The following LONP1 variants were observed in gnomAD, a reference collection of about 807,000 sequenced individuals.
LONP1 encodes the protein lon peptidase 1, mitochondrial.
LONP1 carries 31 observed loss-of-function variants against 98.5 expected under a neutral mutation model. The observed-to-expected ratio is 0.31, with a 90% CI of 0.24 to 0.42. The LOEUF is 0.42. Ranked by LOEUF, LONP1 falls within the 20% of genes least tolerant of loss-of-function variation. The probability of loss-of-function intolerance (pLI) is 1.00; values close to 1 mark genes in which losing one functional copy is unlikely to be tolerated. For missense variants in LONP1, 1,336 were observed against 1,350.6 expected, an observed-to-expected ratio of 0.99 and a Z score of 0.17; for synonymous variants, 781 against 594.7, an observed-to-expected ratio of 1.31 and a Z score of -4.56.
Position 5,693,554 on chromosome 19 carries a change from C to A in LONP1, c.2536G>T (p.Glu846Ter), listed in dbSNP as rs752945140. 1.2e-6 allele frequency: 2 copies of A among 1,613,962 alleles called. No homozygotes were observed. Among genetic ancestry groups the A allele is most frequent in the Non-Finnish European group, 1.7e-6 (2 of 1,179,978 alleles). The change falls in exon 16 of 18, where the codon GAG (glutamate) becomes TAG (stop). Residue 846 changes from glutamate (E) to a stop codon, truncating the protein, a stop_gained and splice_region_variant. Transcript: ENST00000360614. LOFTEE classifies it high-confidence loss of function. ...VTSHIHLHVP[E>*]GATPKDGPSA... ...GTGGGAGCGGATGGCGCGGTCACCT[C>A]GGGCACATGCAGGTGGATGTGTGAG... is the stretch of plus-strand genomic sequence containing the variant.
Position 5,691,995 on chromosome 19 carries a change from G to GGCCTGACATCCAGTTCTGGCCCAGACAGT in LONP1, c.*36_*37insACTGTCTGGGCCAGAACTGGATGTCAGGC. On this transcript the variant is annotated 3_prime_UTR_variant, in exon 18 of 18. Coordinates refer to ENST00000360614, the MANE Select transcript of LONP1 (RefSeq NM_004793.4). ...CAGCGCTCAGTTCTGGCCCAGACAG[G>GGCCTGACATCCAGTTCTGGCCCAGACAGT]GCCTGACATCCGCCGCCTGCAGTCC... The GGCCTGACATCCAGTTCTGGCCCAGACAGT allele has an allele frequency of 6.3e-7, 1 of 1,592,154 alleles. No individual in the cohort carries two copies.
chr19:5,699,077 G>T lies in LONP1; in HGVS notation c.1635C>A (p.Phe545Leu), dbSNP rs1250507237. ...SIARALNREY[F>L]RFSVGGMTDV... ...CAGTCATGCCCCCGACGCTGAAGCG[G>T]AAGTACTCTCGGTTCAGGGCGCGGG... The change falls in exon 10 of 18, where the codon TTC becomes TTA. Residue 545 changes from phenylalanine to leucine, a missense_variant. Physicochemically the swap from Phe to Leu is conservative, Grantham distance 22 (BLOSUM62 0). Transcript: ENST00000360614. The T allele has an allele frequency of 6.2e-7, 1 of 1,608,804 alleles. No homozygotes were observed. The highest frequency in any genetic ancestry group is 8.5e-7 in the Non-Finnish European group (1 of 1,177,084).
chr19:5,696,395 T>C, intron 11 of LONP1, 24 bp from the exon 12 acceptor site: 1 of 1,609,424 alleles, frequency 6.2e-7, no homozygotes, highest in Non-Finnish European at 8.5e-7. Flanking sequence ...CAGCAGGTGG[T>C]GCCCCTCGCC....
upstream of LONP1, chr19:5,720,383 C>T (rs541973850): frequency 8.2e-6 from 5 of 608,342 alleles, no homozygotes; most frequent in East Asian, 1.6e-4. Context: ...GGCGCCAGCG[C>T]CCGTACAAAA....
At chr19:5,696,201 G>A (rs1208039523) in intron 12 of LONP1, 31 bp from the exon 13 acceptor site, 5 of 1,612,608 alleles carry the variant, frequency 3.1e-6, no homozygotes, top group African/African-American at 1.3e-5. Flanking sequence ...CTGGGGGACT[G>A]GCCGCTTACC....
chr19:5,719,862 C>T lies in LONP1; in HGVS notation c.271G>A (p.Glu91Lys). Residue 91 changes from glutamate to lysine, a missense_variant, in exon 1 of 18, where the codon GAG becomes AAG. Physicochemically the swap from Glu to Lys is moderately conservative, Grantham distance 56 (BLOSUM62 1). This residue lies in a region of LONP1 where 457 missense variants were observed against 403.1 expected (regional missense o/e 1.13). Transcript: ENST00000360614. ...GGEDASEGGA[E>K]EGAGGAGGSA... Reference sequence around the variant, plus strand: ...CCCCCCGCGCCGCCGGCTCCTTCCTCCGCGCCGCCCTCGGAGGCGTCCTCG... The same window carrying T: ...CCCCCCGCGCCGCCGGCTCCTTCCTTCGCGCCGCCCTCGGAGGCGTCCTCG... 6.3e-7 allele frequency: 1 copy of T among 1,599,372 alleles called. No homozygotes were observed. Among genetic ancestry groups the T allele is most frequent in the Non-Finnish European group, 8.5e-7 (1 of 1,173,566 alleles).
At position 5,719,920 on chromosome 19, in the gene LONP1, C is replaced by G; in HGVS notation, c.213G>C (p.Ala71=). 6.4e-7 allele frequency: 1 copy of G among 1,550,906 alleles called. No individual in the cohort carries two copies. Among genetic ancestry groups the G allele is most frequent in the South Asian group, 1.2e-5 (1 of 84,720 alleles). The change falls in exon 1 of 18, where the codon GCG becomes GCC. Residue 71 remains alanine (A), a synonymous_variant. Coordinates refer to ENST00000360614, the MANE Select transcript of LONP1 (RefSeq NM_004793.4). Reference sequence around the variant, plus strand: ...AGAATGCGCCTCCGCCGCGGCTGCTCGCTTCCCAAAACCCCCGCCATTGGC... The same window carrying G: ...AGAATGCGCCTCCGCCGCGGCTGCTGGCTTCCCAAAACCCCCGCCATTGGC... The part of the protein sequence containing the change: ...IGGQWRGFWE[A]SSRGGGAFSG...
chr19:5,693,213 G>A, intron 17 of LONP1, 85 bp downstream of exon 17: 1 of 1,498,130 alleles, frequency 6.7e-7, no homozygotes, highest in Non-Finnish European at 9.1e-7. Context: ...CTTGGCCCAG[G>A]CAGAGGTTGC....
intron 11 of LONP1, 146 bp downstream of exon 11, chr19:5,696,524 T>G (rs2054932276): frequency 2.3e-6 from 3 of 1,305,494 alleles, no homozygotes; most frequent in African/African-American, 1.5e-5. Context: ...TGGCTGTGGG[T>G]GGGAGGGACC....
At chr19:5,717,858 G>T (rs572861576) in intron 1 of LONP1, among the ~76,000 whole-genome samples, 1 of 151,266 alleles carries the variant, frequency 6.6e-6, no homozygotes, top group Admixed American at 6.6e-5. Flanking sequence ...GGGAAGACAG[G>T]TGCATGCCAC....
intron 13 of LONP1, among the ~76,000 whole-genome samples, chr19:5,695,274 G>A (rs1208828537): frequency 6.6e-6 from 1 of 152,066 alleles, no homozygotes; most frequent in Non-Finnish European, 1.5e-5. Flanking sequence ...CTGGGTCAGG[G>A]GCTCCAGGGT....
rs554066832 is a variant in LONP1 at position 5,715,333 on chromosome 19, CT to C, written c.430-1063del. Among the ~76,000 whole-genome samples, 843 of 138,098 alleles carry C rather than the reference CT, an allele frequency of 6.1e-3. 3 individuals carry two copies. Among genetic ancestry groups the C allele is most frequent in the African/African-American group, 0.01 (394 of 37,604 alleles). 90.6% of individuals were successfully genotyped at this position (138,098 alleles called of 152,430 possible). On this transcript the variant is annotated intron_variant, in intron 1 of 17. Transcript: ENST00000360614. The stretch of plus-strand genomic sequence containing the variant: ...ACCCACTCCAGAGATTGATAACTTC[CT>C]TTTTTTTTTTTTTTTAATAAAGTTT...
rs377239290 is a variant in LONP1 at position 5,696,385 on chromosome 19, C to T, written c.1774-14G>A. ...GATCTTGTCCACCTGGGGCAGCAGACAGCAGGTGGTGCCCCTCGCCGTGCC... is the reference window on the plus strand; with the variant it reads ...GATCTTGTCCACCTGGGGCAGCAGATAGCAGGTGGTGCCCCTCGCCGTGCC... On this transcript the variant is annotated splice_polypyrimidine_tract_variant and intron_variant, in intron 11 of 17. Transcript: ENST00000360614. 4.3e-6 allele frequency: 7 copies of T among 1,611,322 alleles called. No individual in the cohort carries two copies. The highest frequency in any genetic ancestry group is 1.7e-5 in the Admixed American group (1 of 59,942).
intron 11 of LONP1, 51 bp from the exon 12 acceptor site, chr19:5,696,422 C>T (rs201835473): frequency 1.1e-5 from 18 of 1,594,776 alleles, no homozygotes; most frequent in African/African-American, 5.4e-5. Flanking sequence ...CTGGCCAGCC[C>T]GCCCAGTGGG....
chr19:5,701,478 GCGC>G, intron 8 of LONP1, among the ~76,000 whole-genome samples: 1 of 152,304 alleles, frequency 6.6e-6, no homozygotes, highest in East Asian at 1.9e-4. Flanking sequence ...TTGCAGGCGC[GCGC>G]CGCCACGCCT....
chr19:5,699,417 G>A (rs1035786633), intron 9 of LONP1, among the ~76,000 whole-genome samples: 1 of 152,118 alleles, frequency 6.6e-6, no homozygotes, highest in Non-Finnish European at 1.5e-5. Context: ...AACACCAAAG[G>A]ACAACTAGGT....
In LONP1 at chr19:5,694,600, G is replaced by A. The variant is rs776316193; in HGVS notation, c.2155-48C>T. 82 of 1,555,880 alleles carry A rather than the reference G, an allele frequency of 5.3e-5. No homozygotes were observed. The Admixed American group carries it at 1.4e-3, about 26-fold the overall frequency. On this transcript the variant is annotated intron_variant, in intron 14 of 17. Transcript: ENST00000360614. Reference sequence around the variant, plus strand: ...TGGGCACGGGAAGGTGGGGTGACAGGTGCGGGGTGGTGGGGTGACGGGCAC... The same window carrying A: ...TGGGCACGGGAAGGTGGGGTGACAGATGCGGGGTGGTGGGGTGACGGGCAC...
At chr19:5,701,803 T>C (rs1404340611) in intron 8 of LONP1, among the ~76,000 whole-genome samples, 4 of 148,514 alleles carry the variant, frequency 2.7e-5, no homozygotes, top group Admixed American at 6.7e-5. Context: ...TCGTCTGGGA[T>C]GTGAGGAGCC....
At position 5,707,922 on chromosome 19, in the gene LONP1, C is replaced by T. The variant is rs937954424; in HGVS notation, c.933-96G>A. ...GACCCGGTCCTCAGGGTCCCTGTCC[C>T]CTGTAGCTATGGGCACGGTCTAGGG... On this transcript the variant is annotated intron_variant, in intron 5 of 17. Transcript: ENST00000360614. 2.4e-5 allele frequency: 35 copies of T among 1,456,382 alleles called. No individual in the cohort carries two copies. In the African/African-American group the frequency reaches 4.9e-4, roughly 20 times the overall value. 90.2% of individuals were successfully genotyped at this position (1,456,382 alleles called of 1,614,324 possible).
Sources: gnomAD v4.1 joint callset for allele counts (sites outside exome capture counted in the v4.1 genomes callset) on GRCh38, gnomAD v4.1.1 for gene constraint, gnomAD v4.1.1 regional missense constraint, MANE v1.5 for transcripts, NCBI Gene and HGNC (gene_info 2026-07-23, HGNC 2026-07-21) for gene names.